Variants in RNF6 observed in about 807,000 individuals in gnomAD.
The protein encoded by RNF6 is E3 ubiquitin-protein ligase RNF6.
RNF6 carries 21 observed loss-of-function variants against 50.1 expected under a neutral mutation model. That is an observed-to-expected ratio of 0.42 (90% CI 0.30 to 0.60). The LOEUF is 0.60. RNF6 is among the 20% of genes least tolerant of loss of function. The pLI, the probability that RNF6 is intolerant of heterozygous loss-of-function variation, is 0.20. For synonymous variants in RNF6, 255 were observed against 291.8 expected (o/e 0.87, Z 1.29); for missense variants, 698 against 838.2 (o/e 0.83, Z 2.07).
At chr13:26,187,033 T>A (rs914604501) in intron 5 of RNF6, among the ~76,000 whole-genome samples, 1 of 152,060 alleles carries the variant, frequency 6.6e-6, no homozygotes, top group Non-Finnish European at 1.5e-5. Flanking sequence ...CACCTCGGCC[T>A]CCCAAAGTGC....
chr13:26,215,195 G>C lies in RNF6; in HGVS notation c.687C>G (p.Phe229Leu). 6.2e-7 allele frequency: 1 copy of C among 1,614,208 alleles called. No homozygotes were observed. Among genetic ancestry groups the C allele is most frequent in the Non-Finnish European group, 8.5e-7 (1 of 1,180,046 alleles). The stretch of plus-strand genomic sequence containing the variant: ...CATTTCTTAACCTTCCCAATGTTGA[G>C]AAAGATCCTTCAGCTGGATTTTGCC... Reference protein sequence around the residue: ...SRGQNPAEGSFSTLGRLRNGI... With the variant: ...SRGQNPAEGSLSTLGRLRNGI... The change falls in exon 5 of 5, where the codon TTC (phenylalanine) becomes TTG (leucine). Residue 229 changes from phenylalanine to leucine, a missense_variant. By Grantham distance (22) the Phe-to-Leu change is conservative. Transcript: ENST00000381588.
At chr13:26,183,696 A>G (rs1873347482) in intron 5 of RNF6, among the ~76,000 whole-genome samples, 3 of 152,086 alleles carry the variant, frequency 2.0e-5, no homozygotes, top group African/African-American at 7.2e-5. Flanking sequence ...CTAATACAGA[A>G]TAGCAACTGA....
At chr13:26,204,634 A>G (rs1197911979) in intron 5 of RNF6, among the ~76,000 whole-genome samples, 1 of 152,150 alleles carries the variant, frequency 6.6e-6, no homozygotes, top group Non-Finnish European at 1.5e-5. Flanking sequence ...CCCAAAAAGG[A>G]TGTGTTTAGA....
chr13:26,151,526 G>A (rs982822132), intron 5 of RNF6, among the ~76,000 whole-genome samples: 1 of 151,966 alleles, frequency 6.6e-6, no homozygotes, highest in African/African-American at 2.4e-5. Flanking sequence ...GCCTCCCAAA[G>A]TGCTGGGATT....
Position 26,220,808 on chromosome 13 carries a change from G to A in RNF6, c.-19+440C>T, listed in dbSNP as rs9578978. On this transcript the variant is annotated intron_variant, in intron 2 of 4. Transcript: ENST00000381588. Reference sequence around the variant, plus strand: ...GCTAGGCTACCAGTGAAGCAACTGTGCAACTCTGCCTCTCGAAATACACTA... The same window carrying A: ...GCTAGGCTACCAGTGAAGCAACTGTACAACTCTGCCTCTCGAAATACACTA... Among the ~76,000 whole-genome samples the A allele has an allele frequency of 6.9e-3, 1,044 of 152,316 alleles. 8 individuals carry two copies. Among genetic ancestry groups the A allele is most frequent in the Middle Eastern group, 0.024 (7 of 294 alleles).
intron 4 of RNF6, among the ~76,000 whole-genome samples, chr13:26,217,815 T>G (rs932519880): frequency 1.3e-5 from 2 of 152,238 alleles, no homozygotes; most frequent in Non-Finnish European, 2.9e-5. Flanking sequence ...AGCACAGTTG[T>G]AGAATCATTC....
chr13:26,132,251 GACAAA>G, exon 6 of RNF6: 1 of 289,578 alleles, frequency 3.5e-6, no homozygotes, highest in East Asian at 8.2e-5. Context: ...GTAATCAGTT[GACAAA>G]ACAAATGTTG....
chr13:26,132,789 G>A (rs1225187241), intron 5 of RNF6, among the ~76,000 whole-genome samples: 2 of 152,128 alleles, frequency 1.3e-5, no homozygotes, highest in African/African-American at 4.8e-5. Context: ...TTGAACTATC[G>A]ATCACACTTT....
chr13:26,166,284 T>C (rs1872448329), intron 5 of RNF6, among the ~76,000 whole-genome samples: 1 of 152,196 alleles, frequency 6.6e-6, no homozygotes, highest in African/African-American at 2.4e-5. Context: ...TTTTCTTTTG[T>C]AAATTGCTCA....
chr13:26,172,574 T>C (rs7991682), intron 5 of RNF6, among the ~76,000 whole-genome samples: 128,044 of 151,108 alleles, frequency 0.85, 55,737 homozygotes, highest in East Asian at 1. Context: ...GATGGAATCT[T>C]GCTCTGTCGC....
Position 26,175,749 on chromosome 13 carries a change from ACCT to A in RNF6, n.768+39722_768+39724del, listed in dbSNP as rs564667860. Among the ~76,000 whole-genome samples, 738 of 151,992 alleles carry A rather than the reference ACCT, an allele frequency of 4.9e-3. 10 individuals are homozygous for A. Among genetic ancestry groups the A allele is most frequent in the African/African-American group, 0.017 (690 of 41,442 alleles). On this transcript the variant is annotated intron_variant and non_coding_transcript_variant, in intron 5 of 5. Transcript: ENST00000468480. ...CTACCTTCCCCTCAGCTTCCTAGTG[ACCT>A]CCTCCTACGCAAGTGTGCACTTCCA...
chr13:26,160,867 G>A (rs901379346), intron 5 of RNF6, among the ~76,000 whole-genome samples: 1 of 152,076 alleles, frequency 6.6e-6, no homozygotes, highest in Non-Finnish European at 1.5e-5. Context: ...GGGCATGCAT[G>A]CTCCTGGTGT....
At chr13:26,185,681 G>A (rs1228340970) in intron 5 of RNF6, among the ~76,000 whole-genome samples, 1 of 152,190 alleles carries the variant, frequency 6.6e-6, no homozygotes, top group Admixed American at 6.5e-5. Context: ...GGGAGGCGGA[G>A]GTTGCAGTGA....
chr13:26,143,002 T>A (rs367914413), intron 5 of RNF6, among the ~76,000 whole-genome samples: 15 of 152,230 alleles, frequency 9.9e-5, no homozygotes, highest in African/African-American at 3.6e-4. Flanking sequence ...GAAATACTCA[T>A]GATAGGTACA....
chr13:26,184,117 C>G (rs575990957), intron 5 of RNF6, among the ~76,000 whole-genome samples: 6 of 145,996 alleles, frequency 4.1e-5, no homozygotes, highest in African/African-American at 1.5e-4. Context: ...AGCTCCGTCT[C>G]CTTAGGTTCA....
At chr13:26,161,814 T>G (rs1166746850) in intron 5 of RNF6, among the ~76,000 whole-genome samples, 1 of 152,206 alleles carries the variant, frequency 6.6e-6, no homozygotes, top group East Asian at 1.9e-4. Context: ...TCTTCCCCCT[T>G]TGCCCTGCCT....
intron 5 of RNF6, among the ~76,000 whole-genome samples, chr13:26,173,696 A>AGG (rs1872811057): frequency 2.6e-5 from 4 of 152,000 alleles, no homozygotes; most frequent in African/African-American, 7.3e-5. Context: ...TTCTTTGGAA[A>AGG]AAAAAAAAGC....
chr13:26,181,239 G>A (rs1873225984), intron 5 of RNF6, among the ~76,000 whole-genome samples: 2 of 152,138 alleles, frequency 1.3e-5, no homozygotes, highest in Admixed American at 1.3e-4. Flanking sequence ...GCTCTGCCTG[G>A]GGTACTACAA....
intron 5 of RNF6, among the ~76,000 whole-genome samples, chr13:26,204,152 TG>T (rs1260992798): frequency 1.1e-4 from 16 of 152,136 alleles, no homozygotes; most frequent in African/African-American, 3.9e-4. Flanking sequence ...AATTCTGTCT[TG>T]GTGTTCACTT....
Sources: allele counts gnomAD v4.1 joint callset (sites outside exome capture counted in the v4.1 genomes callset), GRCh38; gene constraint gnomAD v4.1.1; transcripts MANE v1.5; gene names NCBI Gene and HGNC (gene_info 2026-07-23, HGNC 2026-07-21).